Variants in PTPRD observed in about 807,000 individuals in gnomAD.
The protein encoded by PTPRD is protein tyrosine phosphatase receptor type D, also known as receptor-type tyrosine-protein phosphatase delta.
PTPRD carries 34 observed loss-of-function variants against 214.5 expected under a neutral mutation model. That is an observed-to-expected ratio of 0.16 (90% CI 0.12 to 0.21). The LOEUF (loss-of-function observed/expected upper bound fraction) is 0.21. Ranked by LOEUF, PTPRD falls within the 10% of genes least tolerant of loss-of-function variation. The pLI is 1.00. For missense variants in PTPRD, 2,545 were observed against 2,398.7 expected (o/e 1.06, Z -1.27); for synonymous variants, 1,128 against 845.7 (o/e 1.33, Z -5.79).
chr9:9,298,498 A>G (rs371060120), intron 9 of PTPRD, among the ~76,000 whole-genome samples: 16 of 151,942 alleles, frequency 1.1e-4, no homozygotes, highest in African/African-American at 3.9e-4. Context: ...AACGGGACAG[A>G]AAAGTTAAAA....
chr9:9,826,914 G>C (rs752373405), intron 5 of PTPRD, among the ~76,000 whole-genome samples: 7 of 151,952 alleles, frequency 4.6e-5, no homozygotes, highest in Non-Finnish European at 8.8e-5. Flanking sequence ...TTACTTCAAA[G>C]AAAATAAAAT....
intron 11 of PTPRD, chr9:8,858,182 C>A: frequency 6.3e-6 from 1 of 157,744 alleles, no homozygotes; most frequent in South Asian, 1.7e-4. Flanking sequence ...GTCTCCTCTC[C>A]TCCCTCCGCC....
intron 3 of PTPRD, among the ~76,000 whole-genome samples, chr9:10,166,158 A>G (rs2154293192): frequency 6.6e-6 from 1 of 150,514 alleles, no homozygotes; most frequent in Non-Finnish European, 1.5e-5. Context: ...CGTATCCATA[A>G]TATACATCTC....
intron 2 of PTPRD, among the ~76,000 whole-genome samples, chr9:10,361,446 CA>C (rs1226116645): frequency 6.6e-6 from 1 of 152,070 alleles, no homozygotes; most frequent in Admixed American, 6.5e-5. Context: ...GGGTAAGTTA[CA>C]AAATGCTGTG....
chr9:8,668,521 G>A (rs1596469182), intron 12 of PTPRD, among the ~76,000 whole-genome samples: 1 of 152,150 alleles, frequency 6.6e-6, no homozygotes, highest in African/African-American at 2.4e-5. Context: ...CATAGAATAA[G>A]ATAATTTCTG....
chr9:9,659,748 T>G (rs1289184068), intron 7 of PTPRD, among the ~76,000 whole-genome samples: 1 of 152,108 alleles, frequency 6.6e-6, no homozygotes, highest in East Asian at 1.9e-4. Flanking sequence ...AAAAGGTGAT[T>G]CAATCTCATC....
intron 7 of PTPRD, among the ~76,000 whole-genome samples, chr9:9,578,686 T>C (rs1044225095): frequency 6.6e-6 from 1 of 152,132 alleles, no homozygotes; most frequent in Non-Finnish European, 1.5e-5. Context: ...TCATGTATCC[T>C]CAGTTGATGC....
In PTPRD at chr9:10,372,878, C is replaced by G. The variant is rs368265730; in HGVS notation, c.-599-31861G>C. On this transcript the variant is annotated intron_variant, in intron 2 of 45. Transcript: ENST00000381196. Reference sequence around the variant, plus strand: ...TTAATTATTATTATTGAGATGTAGTCTTGCTCTATCACCCAGGTTGGAGTG... The same window carrying G: ...TTAATTATTATTATTGAGATGTAGTGTTGCTCTATCACCCAGGTTGGAGTG... Among the ~76,000 whole-genome samples, 10 of 148,754 alleles carry G rather than the reference C, an allele frequency of 6.7e-5. 1 individual carries two copies. In the East Asian group the frequency reaches 1.8e-3, roughly 27 times the overall value.
At chr9:9,630,854 A>G (rs184603504) in intron 7 of PTPRD, among the ~76,000 whole-genome samples, 6 of 152,326 alleles carry the variant, frequency 3.9e-5, no homozygotes, top group Admixed American at 1.3e-4. Context: ...AGGACGTAGA[A>G]TGTACTTATA....
rs1332214085 is a variant in PTPRD, at chr9:8,317,442, GT to G, written c.*431del. 2 of 238,810 alleles carry G rather than the reference GT, an allele frequency of 8.4e-6. No individual in the cohort carries two copies. The highest frequency in any genetic ancestry group is 1.7e-5 in the Non-Finnish European group (2 of 120,574). 14.8% of individuals were successfully genotyped at this position (238,810 alleles called of 1,614,324 possible). On this transcript the variant is annotated 3_prime_UTR_variant, in exon 46 of 46. Coordinates refer to ENST00000381196, the MANE Select transcript of PTPRD (RefSeq NM_002839.4). ...CTAAAATGTTATTATGAGCAGTATG[GT>G]GGGAAGGGGCGATGTCAAAGCAGAG...
chr9:10,346,958 A>G (rs748604249), intron 2 of PTPRD, among the ~76,000 whole-genome samples: 3 of 152,220 alleles, frequency 2.0e-5, no homozygotes, highest in Non-Finnish European at 4.4e-5. Flanking sequence ...CTGCATAATT[A>G]TGATGTCATT....
intron 9 of PTPRD, among the ~76,000 whole-genome samples, chr9:9,213,583 C>T (rs2099950220): frequency 6.6e-6 from 1 of 151,980 alleles, no homozygotes; most frequent in Non-Finnish European, 1.5e-5. Flanking sequence ...ATTTGGGAAT[C>T]GGTTATATTT....
chr9:8,404,316 A>G (rs574379841), intron 36 of PTPRD, among the ~76,000 whole-genome samples: 1 of 152,004 alleles, frequency 6.6e-6, no homozygotes, highest in East Asian at 1.9e-4. Context: ...CTCAGTAGAG[A>G]TGGGTTTTCA....
intron 39 of PTPRD, among the ~76,000 whole-genome samples, chr9:8,348,092 C>T (rs2074383386): frequency 6.6e-6 from 1 of 152,110 alleles, no homozygotes; most frequent in South Asian, 2.1e-4. Flanking sequence ...GAATAACTAA[C>T]AGAAAGCCAT....
intron 12 of PTPRD, among the ~76,000 whole-genome samples, chr9:8,640,232 A>G (rs2096543432): frequency 6.6e-6 from 1 of 152,120 alleles, no homozygotes; most frequent in African/African-American, 2.4e-5. Context: ...ACACGCAGAG[A>G]AGTTTTTGTG....
At chr9:10,528,367 A>C (rs916066901) in intron 2 of PTPRD, among the ~76,000 whole-genome samples, 1 of 152,172 alleles carries the variant, frequency 6.6e-6, no homozygotes, top group African/African-American at 2.4e-5. Context: ...GGATTGTCAG[A>C]GTAAACTGAG....
At chr9:9,663,598 G>C (rs1312296095) in intron 7 of PTPRD, among the ~76,000 whole-genome samples, 2 of 151,448 alleles carry the variant, frequency 1.3e-5, no homozygotes, top group East Asian at 3.9e-4. Flanking sequence ...CATCTAACTT[G>C]TTGCTCAATT....
chr9:8,453,782 G>A (rs1223340848), intron 33 of PTPRD, among the ~76,000 whole-genome samples: 5 of 152,140 alleles, frequency 3.3e-5, no homozygotes, highest in African/African-American at 4.8e-5. Context: ...GGTCTGAGGC[G>A]GGGTCCAAGG....
intron 5 of PTPRD, among the ~76,000 whole-genome samples, chr9:9,869,368 A>G (rs1399611691): frequency 6.6e-6 from 1 of 152,170 alleles, no homozygotes; most frequent in Non-Finnish European, 1.5e-5. Context: ...AATGGATTCC[A>G]AAATCATCAG....
Sources: gnomAD v4.1 joint callset for allele counts (sites outside exome capture counted in the v4.1 genomes callset) on GRCh38, gnomAD v4.1.1 for gene constraint, MANE v1.5 for transcripts, NCBI Gene and HGNC (gene_info 2026-07-23, HGNC 2026-07-21) for gene names.